NCOA1: variants seen among roughly 807,000 people sequenced by gnomAD.
NCOA1 encodes Hin-2 protein.
NCOA1 carries 35 observed loss-of-function variants against 150.9 expected under a neutral mutation model. The observed-to-expected ratio is 0.23, with a 90% CI of 0.18 to 0.31. The LOEUF (loss-of-function observed/expected upper bound fraction) is 0.31, where lower values mean the gene tolerates loss of function less well. NCOA1 is among the 10% of genes least tolerant of loss of function. The pLI, the probability that NCOA1 is intolerant of heterozygous loss-of-function variation, is 1.00. For synonymous variants in NCOA1, 590 were observed against 630.0 expected (o/e 0.94, Z 0.95); for missense variants, 1,491 against 1,749.3 (o/e 0.85, Z 2.63).
intron 1 of NCOA1, among the ~76,000 whole-genome samples, chr2:24,520,166 A>G (rs958601017): frequency 6.6e-6 from 1 of 152,208 alleles, no homozygotes; most frequent in East Asian, 1.9e-4. Flanking sequence ...AAAACCATAC[A>G]CTACTTTGGA....
In NCOA1 at chr2:24,495,092, G is replaced by GTTTTT. The variant is rs200403397; in HGVS notation, c.-396+3496_-396+3500dup. Among the ~76,000 whole-genome samples, 3 of 103,614 alleles carry GTTTTT rather than the reference G, an allele frequency of 2.9e-5. 1 individual carries two copies. Among genetic ancestry groups the GTTTTT allele is most frequent in the African/African-American group, 6.4e-5 (2 of 31,032 alleles). 68.0% of individuals were successfully genotyped at this position (103,614 alleles called of 152,430 possible). ...CTTCATTTCATAAGGAGATGAAGGT[G>GTTTTT]TTTTTTTTTTGTTTTTTTTTTTTAA... is the stretch of plus-strand genomic sequence containing the variant. On this transcript the variant is annotated intron_variant, in intron 1 of 22. Coordinates refer to ENST00000348332, the MANE Select transcript of NCOA1 (RefSeq NM_003743.5).
At chr2:24,514,301 A>C (rs1171677787) in intron 1 of NCOA1, among the ~76,000 whole-genome samples, 4 of 150,672 alleles carry the variant, frequency 2.7e-5, no homozygotes, top group African/African-American at 9.7e-5. Context: ...AAAAAAAAAA[A>C]AAAAAGGAAA....
intron 20 of NCOA1, among the ~76,000 whole-genome samples, chr2:24,754,473 T>A (rs1664407624): frequency 6.6e-6 from 1 of 152,200 alleles, no homozygotes; most frequent in Non-Finnish European, 1.5e-5. Context: ...GATGTTTGCA[T>A]TTTTTAATCT....
chr2:24,721,949 C>T (rs1239621692), intron 14 of NCOA1, among the ~76,000 whole-genome samples: 2 of 152,154 alleles, frequency 1.3e-5, no homozygotes, highest in Admixed American at 6.5e-5. Context: ...GCCTTTCCTT[C>T]GGCTGTAGAT....
Position 24,729,515 on chromosome 2 carries a change from T to C in NCOA1, c.2901T>C (p.Asp967=), listed in dbSNP as rs1263434768. Residue 967 remains aspartate, a synonymous_variant, in exon 17 of 23, where the codon GAT becomes GAC. Coordinates refer to ENST00000348332, the MANE Select transcript of NCOA1 (RefSeq NM_003743.5). The stretch of plus-strand genomic sequence containing the variant: ...TTTTCTAACAGGGGGGTGGATTAGA[T>C]GTATTATCAGAGAGATTTCCACCAC... ...IDKLVQGGGL[D]VLSERFPPQQ... 1 of 1,613,656 alleles carries C rather than the reference T, an allele frequency of 6.2e-7. No homozygotes were observed. The highest frequency in any genetic ancestry group is 1.3e-5 in the African/African-American group (1 of 74,926).
At chr2:24,591,538 C>T (rs952435967) in intron 3 of NCOA1, among the ~76,000 whole-genome samples, 14 of 152,150 alleles carry the variant, frequency 9.2e-5, no homozygotes, top group Non-Finnish European at 7.3e-5. Flanking sequence ...GGAATATCTG[C>T]CATCTGTAGC....
chr2:24,751,861 G>C, intron 19 of NCOA1, 121 bp from the exon 20 acceptor site: 1 of 984,324 alleles, frequency 1.0e-6, no homozygotes, highest in Non-Finnish European at 1.5e-6. Context: ...CCTGACACAA[G>C]ACAAGGCAAA....
At chr2:24,607,553 A>T (rs1668426979) in intron 3 of NCOA1, among the ~76,000 whole-genome samples, 1 of 151,756 alleles carries the variant, frequency 6.6e-6, no homozygotes, top group Non-Finnish European at 1.5e-5. Context: ...AGCCGGGTGT[A>T]GTGGCGGGTG....
At chr2:24,498,667 C>T (rs952426816) in intron 1 of NCOA1, among the ~76,000 whole-genome samples, 3 of 151,978 alleles carry the variant, frequency 2.0e-5, no homozygotes, top group Non-Finnish European at 1.5e-5. Flanking sequence ...AGGAGTGTGG[C>T]ATCAGCTGAA....
chr2:24,732,989 GT>G (rs1369266963), intron 17 of NCOA1, among the ~76,000 whole-genome samples: 1 of 152,006 alleles, frequency 6.6e-6, no homozygotes, highest in East Asian at 1.9e-4. Flanking sequence ...TCAGAACTGA[GT>G]CACATGTACA....
At chr2:24,576,145 C>CTTTTTTT (rs1666945159) in intron 2 of NCOA1, among the ~76,000 whole-genome samples, 1 of 101,030 alleles carries the variant, frequency 9.9e-6, no homozygotes, top group Non-Finnish European at 1.9e-5. Flanking sequence ...ATTATTTGGC[C>CTTTTTTT]TTTGTTTTTT....
At chr2:24,616,331 C>T (rs750695818) in intron 3 of NCOA1, among the ~76,000 whole-genome samples, 2 of 151,962 alleles carry the variant, frequency 1.3e-5, no homozygotes, top group African/African-American at 4.8e-5. Flanking sequence ...AATTTGATAC[C>T]GTTTGTTGCT....
At chr2:24,617,872 TACACAC>T (rs1384855934) in intron 3 of NCOA1, among the ~76,000 whole-genome samples, 1 of 151,972 alleles carries the variant, frequency 6.6e-6, no homozygotes, top group Non-Finnish European at 1.5e-5. Context: ...AACTGTGATA[TACACAC>T]ACACGCACAC....
intron 4 of NCOA1, among the ~76,000 whole-genome samples, chr2:24,645,420 G>A (rs1388669431): frequency 6.7e-6 from 1 of 150,258 alleles, no homozygotes; most frequent in Admixed American, 6.7e-5. Context: ...GGAGAATGGC[G>A]AATGGCGTGA....
intron 4 of NCOA1, among the ~76,000 whole-genome samples, chr2:24,653,130 G>A (rs1057063201): frequency 6.6e-6 from 1 of 152,130 alleles, no homozygotes; most frequent in South Asian, 2.1e-4. Flanking sequence ...TAGCAGTTGT[G>A]AATCTCCAGC....
chr2:24,668,873 G>A (rs1671558861), intron 6 of NCOA1, among the ~76,000 whole-genome samples: 1 of 151,982 alleles, frequency 6.6e-6, no homozygotes, highest in Admixed American at 6.6e-5. Context: ...GCTCTGGAGG[G>A]GAGTTTAGGG....
chr2:24,768,704 A>C lies in NCOA1; in HGVS notation c.*313A>C, dbSNP rs1271730086. On this transcript the variant is annotated 3_prime_UTR_variant, in exon 23 of 23. Transcript: ENST00000348332. ...AATCAGTCATTGGCTTCTTATCTGG[A>C]TGAAGGCTTTTGGAGGAGAACCAAA... 4.4e-5 allele frequency: 10 copies of C among 226,634 alleles called. No homozygotes were observed. Among genetic ancestry groups the C allele is most frequent in the Non-Finnish European group, 7.0e-5 (8 of 114,432 alleles). The allele number at this position is 226,634 out of a possible 1,614,324, so 14.0% of individuals were successfully genotyped here. A position where few individuals can be genotyped will look rare whatever the true frequency, so the allele number is the denominator to read the frequency against.
At chr2:24,505,326 T>C (rs1194113432) in intron 1 of NCOA1, among the ~76,000 whole-genome samples, 5 of 151,978 alleles carry the variant, frequency 3.3e-5, no homozygotes, top group Non-Finnish European at 5.9e-5. Flanking sequence ...AGTACAGGCA[T>C]GTGCCACCAT....
At chr2:24,547,641 A>G (rs1217300581) in intron 1 of NCOA1, among the ~76,000 whole-genome samples, 1 of 152,164 alleles carries the variant, frequency 6.6e-6, no homozygotes, top group African/African-American at 2.4e-5. Flanking sequence ...ATGCATAATC[A>G]GTGAGGGGCT....
Sources: gnomAD v4.1 joint callset for allele counts (sites outside exome capture counted in the v4.1 genomes callset) on GRCh38, gnomAD v4.1.1 for gene constraint, MANE v1.5 for transcripts, NCBI Gene and HGNC (gene_info 2026-07-23, HGNC 2026-07-21) for gene names.